The following GRM7 variants were observed in gnomAD, a reference collection of about 807,000 sequenced individuals.
GRM7 encodes metabotropic glutamate receptor 7.
In GRM7, 35 loss-of-function variants were observed where a neutral mutation model predicts 84.5. The observed-to-expected ratio is 0.41, with a 90% CI of 0.32 to 0.55. The LOEUF (loss-of-function observed/expected upper bound fraction) is 0.55. Ranked by LOEUF, GRM7 falls within the 20% of genes least tolerant of loss-of-function variation. GRM7 has a pLI of 0.19. For synonymous variants in GRM7, 487 were observed against 455.1 expected (o/e 1.07, Z -0.89); for missense variants, 1,003 against 1,194.6 (o/e 0.84, Z 2.36).
intron 8 of GRM7, among the ~76,000 whole-genome samples, chr3:7,637,577 C>A (rs1698156653): frequency 6.6e-6 from 1 of 152,184 alleles, no homozygotes; most frequent in Non-Finnish European, 1.5e-5. Flanking sequence ...TCCAACATGG[C>A]TTTGCAGGAG....
intron 7 of GRM7, among the ~76,000 whole-genome samples, chr3:7,527,573 A>G (rs1700855045): frequency 6.6e-6 from 1 of 151,876 alleles, no homozygotes; most frequent in Admixed American, 6.6e-5. Context: ...ATTGAATGGG[A>G]GTGAGAGAGT....
intron 1 of GRM7, among the ~76,000 whole-genome samples, chr3:7,144,029 A>T (rs1477038589): frequency 2.0e-5 from 3 of 152,152 alleles, no homozygotes; most frequent in African/African-American, 7.2e-5. Flanking sequence ...TATGGGCTTT[A>T]CTGAGGCGCT....
Position 7,453,678 on chromosome 3 carries a change from C to A in GRM7, c.1375+871C>A, listed in dbSNP as rs567710746. 7.9e-5 allele frequency among the ~76,000 whole-genome samples: 12 copies of A among 152,202 alleles called. No homozygotes were observed. The East Asian group carries it at 2.3e-3, about 29-fold the overall frequency. On this transcript the variant is annotated intron_variant, in intron 6 of 9. Transcript: ENST00000357716. Reference sequence around the variant, plus strand: ...GAGTTCTTGCTCACTTTCCTGTCAGCCTCCATGTGTTCAACTCTGAACCTT... The same window carrying A: ...GAGTTCTTGCTCACTTTCCTGTCAGACTCCATGTGTTCAACTCTGAACCTT...
At chr3:7,060,340 C>T (rs1697392467) in intron 1 of GRM7, among the ~76,000 whole-genome samples, 1 of 151,788 alleles carries the variant, frequency 6.6e-6, no homozygotes, top group Non-Finnish European at 1.5e-5. Context: ...TCCACCACCA[C>T]CTCCTTGCAT....
chr3:7,458,798 G>C (rs368119588), intron 6 of GRM7, among the ~76,000 whole-genome samples: 134 of 152,212 alleles, frequency 8.8e-4, no homozygotes, highest in African/African-American at 3.1e-3. Flanking sequence ...AGAAGCTATA[G>C]AATTACAGTA....
chr3:7,227,655 A>G (rs538009959), intron 2 of GRM7, among the ~76,000 whole-genome samples: 1 of 152,326 alleles, frequency 6.6e-6, no homozygotes, highest in Admixed American at 6.5e-5. Context: ...CATAAGAAGA[A>G]GTCAACAAAT....
chr3:7,138,197 A>T (rs1693831940), intron 1 of GRM7, among the ~76,000 whole-genome samples: 2 of 152,008 alleles, frequency 1.3e-5, no homozygotes, highest in African/African-American at 4.8e-5. Flanking sequence ...CTAGCCCATA[A>T]CAGATAATAT....
chr3:7,684,502 G>T (rs1465569060), intron 9 of GRM7, among the ~76,000 whole-genome samples: 1 of 152,114 alleles, frequency 6.6e-6, no homozygotes, highest in Non-Finnish European at 1.5e-5. Flanking sequence ...CTCCATCACT[G>T]CAGTTTGCCA....
intron 2 of GRM7, among the ~76,000 whole-genome samples, chr3:7,171,503 C>T (rs1694982597): frequency 1.3e-5 from 2 of 152,246 alleles, no homozygotes; most frequent in South Asian, 4.1e-4. Context: ...TATGGCACCA[C>T]ACACTTCCAC....
chr3:7,583,396 C>G (rs1334385433), intron 8 of GRM7, among the ~76,000 whole-genome samples: 1 of 152,186 alleles, frequency 6.6e-6, no homozygotes, highest in Non-Finnish European at 1.5e-5. Context: ...ATAAATGTTT[C>G]TCCATCCACG....
chr3:7,678,910 A>G (rs1043436005), intron 8 of GRM7, among the ~76,000 whole-genome samples: 1 of 151,646 alleles, frequency 6.6e-6, no homozygotes, highest in Non-Finnish European at 1.5e-5. Context: ...AGACAAACAC[A>G]TGAGCCTATC....
chr3:7,542,824 G>C (rs1231430683), intron 7 of GRM7, among the ~76,000 whole-genome samples: 2 of 152,066 alleles, frequency 1.3e-5, no homozygotes, highest in Admixed American at 6.6e-5. Context: ...GGGATTACAG[G>C]CGTGAGCCAC....
chr3:7,241,926 G>A (rs189918941), intron 2 of GRM7, among the ~76,000 whole-genome samples: 201 of 152,204 alleles, frequency 1.3e-3, no homozygotes, highest in African/African-American at 4.5e-3. Flanking sequence ...TGGCACAGAG[G>A]GACCACAGCT....
intron 1 of GRM7, among the ~76,000 whole-genome samples, chr3:7,040,278 T>C (rs1377456965): frequency 1.3e-5 from 2 of 152,090 alleles, no homozygotes; most frequent in Non-Finnish European, 2.9e-5. Context: ...GTGCGTTTCA[T>C]GATTAGACCC....
At chr3:7,646,938 G>C (rs1488777382) in intron 8 of GRM7, among the ~76,000 whole-genome samples, 1 of 152,196 alleles carries the variant, frequency 6.6e-6, no homozygotes, top group Non-Finnish European at 1.5e-5. Context: ...AACAGGGTCT[G>C]TGTCACAAGG....
intron 1 of GRM7, among the ~76,000 whole-genome samples, chr3:7,073,768 G>A (rs1697963848): frequency 6.6e-6 from 1 of 152,124 alleles, no homozygotes; most frequent in Admixed American, 6.6e-5. Flanking sequence ...TGAAGAGGTT[G>A]CAGTCAGAGT....
chr3:7,165,167 A>G (rs1694758689), intron 2 of GRM7, among the ~76,000 whole-genome samples: 1 of 152,154 alleles, frequency 6.6e-6, no homozygotes, highest in Non-Finnish European at 1.5e-5. Context: ...CACTCTTCCT[A>G]ACTTCCTCAC....
At chr3:7,033,305 C>T (rs1195760478) in intron 1 of GRM7, among the ~76,000 whole-genome samples, 1 of 152,080 alleles carries the variant, frequency 6.6e-6, no homozygotes, top group Non-Finnish European at 1.5e-5. Flanking sequence ...AATAAGGTCA[C>T]AATCCAAATG....
At chr3:6,955,396 G>A (rs995335200) in intron 1 of GRM7, among the ~76,000 whole-genome samples, 2 of 152,158 alleles carry the variant, frequency 1.3e-5, no homozygotes, top group Admixed American at 6.5e-5. Flanking sequence ...AATTAGCTGG[G>A]CATGGTGGTG....
Sources: gnomAD v4.1 joint callset for allele counts (sites outside exome capture counted in the v4.1 genomes callset) on GRCh38, gnomAD v4.1.1 for gene constraint, MANE v1.5 for transcripts, NCBI Gene and HGNC (gene_info 2026-07-23, HGNC 2026-07-21) for gene names.